Variants in IFNGR1 observed in about 807,000 individuals in gnomAD.
IFNGR1 encodes AVP, type 2.
A neutral mutation model predicts 35.4 loss-of-function variants in IFNGR1; 23 were observed. The observed-to-expected ratio is 0.65, with a 90% CI of 0.47 to 0.92. The LOEUF (loss-of-function observed/expected upper bound fraction) is 0.92, where lower values mean the gene tolerates loss of function less well. IFNGR1 is among the 40% of genes least tolerant of loss of function. IFNGR1 has a pLI of 0.00. For missense variants in IFNGR1, 533 were observed against 583.4 expected, an observed-to-expected ratio of 0.91 and a Z score of 0.89; for synonymous variants, 199 against 209.5, an observed-to-expected ratio of 0.95 and a Z score of 0.43.
chr6:137,213,112 G>A (rs954841085), intron 1 of IFNGR1, among the ~76,000 whole-genome samples: 18 of 152,058 alleles, frequency 1.2e-4, no homozygotes, highest in African/African-American at 4.3e-4. Flanking sequence ...GTAATGTGAG[G>A]TTTAAATTGT....
chr6:137,219,286 C>G lies in IFNGR1; in HGVS notation c.42G>C (p.Val14=). The part of the protein sequence containing the change: ...LFLLPLVMQG[V]SRAEMGTADL... ...CCGCGGTGCCCATCTCAGCCCTGCT[C>G]ACACCCTGCATGACAAGGGGTAGGA... Residue 14 remains valine (V), a synonymous_variant, in exon 1 of 7, where the codon GTG becomes GTC. Coordinates refer to ENST00000367739, the MANE Select transcript of IFNGR1 (RefSeq NM_000416.3). 6.2e-7 allele frequency: 1 copy of G among 1,611,858 alleles called. No individual in the cohort carries two copies. Among genetic ancestry groups the G allele is most frequent in the Non-Finnish European group, 8.5e-7 (1 of 1,179,190 alleles).
intron 1 of IFNGR1, chr6:137,209,942 T>G: frequency 2.5e-6 from 1 of 398,628 alleles, no homozygotes; most frequent in Non-Finnish European, 4.4e-6. Context: ...TACCCAACAT[T>G]TCTTCTTGCC....
At chr6:137,208,403 G>C (rs1282219792) in intron 1 of IFNGR1, among the ~76,000 whole-genome samples, 1 of 152,202 alleles carries the variant, frequency 6.6e-6, no homozygotes, top group Non-Finnish European at 1.5e-5. Flanking sequence ...GGCCATGTCA[G>C]AGACATTCAC....
Position 137,197,978 on chromosome 6 carries a change from C to T in IFNGR1, c.*53G>A, listed in dbSNP as rs2114439636. ...TCATAATCTTTTCATGAAATTAAAG[C>T]AGAAAACTGTCCAGGAAAATCAGAC... On this transcript the variant is annotated 3_prime_UTR_variant, in exon 7 of 7. Transcript: ENST00000367739. 2.5e-6 allele frequency: 4 copies of T among 1,611,044 alleles called. No homozygotes were observed. Among genetic ancestry groups the T allele is most frequent in the Non-Finnish European group, 3.4e-6 (4 of 1,178,112 alleles).
intron 6 of IFNGR1, among the ~76,000 whole-genome samples, chr6:137,199,157 G>A (rs954609550): frequency 1.3e-5 from 2 of 151,304 alleles, no homozygotes; most frequent in Non-Finnish European, 2.9e-5. Flanking sequence ...ATCGGACTCT[G>A]AATTCTTCAA....
intron 1 of IFNGR1, among the ~76,000 whole-genome samples, chr6:137,209,433 G>T (rs1316932182): frequency 6.6e-6 from 1 of 152,102 alleles, no homozygotes; most frequent in Non-Finnish European, 1.5e-5. Context: ...GAATTCCCAC[G>T]TGTTATGAGA....
intron 1 of IFNGR1, 50 bp downstream of exon 1, chr6:137,219,193 C>T (rs764924576): frequency 1.2e-5 from 18 of 1,563,700 alleles, no homozygotes; most frequent in Middle Eastern, 2.1e-4. Context: ...GCGGATCCCT[C>T]CCTCCCTCTC....
chr6:137,203,835 A>C, intron 4 of IFNGR1, 150 bp from the exon 5 acceptor site: 1 of 684,266 alleles, frequency 1.5e-6, no homozygotes, highest in Non-Finnish European at 2.5e-6. Flanking sequence ...TCAATAAGTC[A>C]ATTTGTTACT....
Position 137,198,258 on chromosome 6 carries a change from C to G in IFNGR1, c.1243G>C (p.Asp415His). Residue 415 changes from aspartate (D) to histidine (H), a missense_variant, in exon 7 of 7, where the codon GAT becomes CAT. Coordinates refer to ENST00000367739, the MANE Select transcript of IFNGR1 (RefSeq NM_000416.3). Reference protein sequence around the residue: ...SDHSRNGFDTDSSCLESHSSL... With the variant: ...SDHSRNGFDTHSSCLESHSSL... Reference sequence around the variant, plus strand: ...CTATGTGATTCCAGACAGCTGGAATCAGTATCAAAACCATTTCTGGAGTGA... The same window carrying G: ...CTATGTGATTCCAGACAGCTGGAATGAGTATCAAAACCATTTCTGGAGTGA... 1 of 1,614,086 alleles carries G rather than the reference C, an allele frequency of 6.2e-7. No homozygotes were observed. The highest frequency in any genetic ancestry group is 8.5e-7 in the Non-Finnish European group (1 of 1,180,034).
At chr6:137,218,863 G>C in intron 1 of IFNGR1, 1 of 365,610 alleles carries the variant, frequency 2.7e-6, no homozygotes, top group Non-Finnish European at 5.3e-6. Flanking sequence ...GAGTATCTGC[G>C]TATCTAACCA....
intron 1 of IFNGR1, 150 bp downstream of exon 1, chr6:137,219,093 C>A: frequency 1.0e-6 from 1 of 984,844 alleles, no homozygotes; most frequent in East Asian, 2.6e-5. Flanking sequence ...CGCGACCCCA[C>A]CTCGCGTCCC....
At chr6:137,206,901 G>T in intron 2 of IFNGR1, 62 bp downstream of exon 2, 1 of 1,270,778 alleles carries the variant, frequency 7.9e-7, no homozygotes, top group Non-Finnish European at 1.1e-6. Flanking sequence ...ACACAGTTGT[G>T]GAATTTCCAA....
chr6:137,199,528 A>AATATATTATATATTATATATT (rs1278162250), intron 6 of IFNGR1, among the ~76,000 whole-genome samples: 1 of 36,894 alleles, frequency 2.7e-5, no homozygotes, highest in African/African-American at 9.6e-5. Flanking sequence ...TATTATATAT[A>AATATATTATATATTATATATT]ATATATAATA....
At position 137,206,983 on chromosome 6, in the gene IFNGR1, G is replaced by A. The variant is rs760535699; in HGVS notation, c.180C>T (p.Thr60=). Residue 60 remains threonine (T), a synonymous_variant, in exon 2 of 7, where the codon ACC becomes ACT. Coordinates refer to ENST00000367739, the MANE Select transcript of IFNGR1 (RefSeq NM_000416.3). Reference sequence around the variant, plus strand: ...CTCACCCATAGTTCTTTACCTCTACGGTAAAAACAGGGACCTGTGGCATGA... The same window carrying A: ...CTCACCCATAGTTCTTTACCTCTACAGTAAAAACAGGGACCTGTGGCATGA... ...YQIMPQVPVF[T]VEVKNYGVKN... The A allele has an allele frequency of 6.2e-6, 10 of 1,611,872 alleles. No homozygotes were observed. Among genetic ancestry groups the A allele is most frequent in the East Asian group, 2.2e-5 (1 of 44,844 alleles).
At chr6:137,214,017 C>T (rs555508719) in intron 1 of IFNGR1, among the ~76,000 whole-genome samples, 38 of 152,288 alleles carry the variant, frequency 2.5e-4, no homozygotes, top group African/African-American at 8.4e-4. Context: ...GGGAAGAGCA[C>T]GCTGAGAAGC....
Position 137,200,868 on chromosome 6 carries a change from T to A in IFNGR1, c.861+13A>T. 2 of 1,541,738 alleles carry A rather than the reference T, an allele frequency of 1.3e-6. No homozygotes were observed. The highest frequency in any genetic ancestry group is 1.8e-6 in the Non-Finnish European group (2 of 1,130,450). On this transcript the variant is annotated intron_variant, in intron 6 of 6. Coordinates refer to ENST00000367739, the MANE Select transcript of IFNGR1 (RefSeq NM_000416.3). ...TAACTTTTTAGTGTATATAAAAAAA[T>A]TAAATACATTACCAAGGACTTGGGT... is the stretch of plus-strand genomic sequence containing the variant.
At chr6:137,212,449 G>A (rs1046753757) in intron 1 of IFNGR1, among the ~76,000 whole-genome samples, 2 of 152,102 alleles carry the variant, frequency 1.3e-5, no homozygotes, top group Non-Finnish European at 2.9e-5. Flanking sequence ...GTAGAGATGG[G>A]GTTTCACCAT....
intron 1 of IFNGR1, among the ~76,000 whole-genome samples, chr6:137,210,279 G>A (rs1005763755): frequency 6.6e-6 from 1 of 151,208 alleles, no homozygotes; most frequent in African/African-American, 2.4e-5. Context: ...AGCTGTGACT[G>A]TGCCACTGCA....
At chr6:137,201,714 G>T (rs563908696) in intron 5 of IFNGR1, among the ~76,000 whole-genome samples, 22 of 151,910 alleles carry the variant, frequency 1.4e-4, no homozygotes, top group Non-Finnish European at 3.1e-4. Flanking sequence ...AGAAATTCTG[G>T]CAATGTTTAT....
Sources: gnomAD v4.1 joint callset for allele counts (sites outside exome capture counted in the v4.1 genomes callset) on GRCh38, gnomAD v4.1.1 for gene constraint, MANE v1.5 for transcripts, NCBI Gene and HGNC (gene_info 2026-07-23, HGNC 2026-07-21) for gene names.